Variants in ANO5 observed in about 807,000 individuals in gnomAD.
The protein encoded by ANO5 is anoctamin-5.
Under a neutral mutation model 121.0 loss-of-function variants are expected in ANO5, and 109 were observed. The observed-to-expected ratio is 0.90, with a 90% confidence interval of 0.77 to 1.06. The LOEUF (loss-of-function observed/expected upper bound fraction) is 1.06, where lower values mean the gene tolerates loss of function less well. Among genes scored for constraint, ANO5 ranks in the 50% least tolerant of loss-of-function variants. The pLI is 0.00. For missense variants in ANO5, 1,064 were observed against 1,078.5 expected, an observed-to-expected ratio of 0.99 and a Z score of 0.19; for synonymous variants, 406 against 359.9, an observed-to-expected ratio of 1.13 and a Z score of -1.45.
intron 21 of ANO5, among the ~76,000 whole-genome samples, chr11:22,278,888 T>G (rs1487779554): frequency 6.6e-6 from 1 of 151,760 alleles, no homozygotes; most frequent in African/African-American, 2.4e-5. Context: ...TTTTACTTTT[T>G]TTTTTTTCAA....
intron 12 of ANO5, among the ~76,000 whole-genome samples, chr11:22,254,228 AAT>A (rs1385384492): frequency 9.9e-5 from 15 of 152,146 alleles, no homozygotes; most frequent in Non-Finnish European, 1.5e-5. Context: ...TAATGATAAA[AAT>A]ATAATTAGGA....
rs893326757 is a variant in ANO5 at position 22,211,187 on chromosome 11, T to C, written c.88-77T>C. ...TTTCTGCATAGAGATTACAGAGTTG[T>C]TACTGAAACTTAAAAGCACCCTTTG... is the stretch of plus-strand genomic sequence containing the variant. On this transcript the variant is annotated intron_variant, in intron 2 of 21. Transcript: ENST00000324559. 3 of 1,438,462 alleles carry C rather than the reference T, an allele frequency of 2.1e-6. No homozygotes were observed. In the African/African-American group the frequency reaches 4.2e-5, roughly 20 times the overall value. The allele number at this position is 1,438,462 out of a possible 1,614,324, so 89.1% of individuals were successfully genotyped here.
At chr11:22,221,025 A>T in intron 4 of ANO5, 72 bp from the exon 5 acceptor site, 1 of 1,090,262 alleles carries the variant, frequency 9.2e-7, no homozygotes, top group Non-Finnish European at 1.4e-6. Context: ...AATTATAAAT[A>T]ATTCCTTTTG....
intron 3 of ANO5, 24 bp downstream of exon 3, chr11:22,211,338 T>C: frequency 6.2e-7 from 1 of 1,608,280 alleles, no homozygotes. Context: ...AGTACTATCC[T>C]TTCTTGCATG....
Position 22,250,373 on chromosome 11 carries a change from TA to T in ANO5, c.1013+4del, listed in dbSNP as rs1166375560. 6.2e-7 allele frequency: 1 copy of T among 1,613,370 alleles called. No individual in the cohort carries two copies. The highest frequency in any genetic ancestry group is 8.5e-7 in the Non-Finnish European group (1 of 1,179,684). On this transcript the variant is annotated splice_donor_region_variant and intron_variant, in intron 10 of 21. Coordinates refer to ENST00000324559, the MANE Select transcript of ANO5 (RefSeq NM_213599.3). ...ATCAATGGAACATAACACAAGCAGG[TA>T]AGTGCACCTGAGTTGCCCAGATAGA...
intron 3 of ANO5, among the ~76,000 whole-genome samples, chr11:22,216,920 G>A (rs780604226): frequency 1.1e-4 from 17 of 151,782 alleles, no homozygotes; most frequent in Non-Finnish European, 2.1e-4. Flanking sequence ...TGAATTTAGG[G>A]AAAACATCTG....
chr11:22,282,355 A>G lies in ANO5; in HGVS notation c.*2590A>G, dbSNP rs958052225. On this transcript the variant is annotated 3_prime_UTR_variant, in exon 22 of 22. Transcript: ENST00000324559. ...AAATCTACTTCAAGACATTTATTTTAGAGGAATCCATTAAGAAAGGATTGT... is the reference window on the plus strand; with the variant it reads ...AAATCTACTTCAAGACATTTATTTTGGAGGAATCCATTAAGAAAGGATTGT... The G allele has an allele frequency of 6.6e-6, 1 of 152,188 alleles. No homozygotes were observed. Among genetic ancestry groups the G allele is most frequent in the Non-Finnish European group, 1.5e-5 (1 of 68,012 alleles). 9.4% of individuals were successfully genotyped at this position (152,188 alleles called of 1,614,324 possible). A position where few individuals can be genotyped will look rare whatever the true frequency, so the allele number is the denominator to read the frequency against.
intron 7 of ANO5, among the ~76,000 whole-genome samples, chr11:22,234,350 T>C (rs1457326821): frequency 2.0e-5 from 3 of 152,162 alleles, no homozygotes; most frequent in Admixed American, 2.0e-4. Flanking sequence ...ATTTATAAAC[T>C]GTTGATCTCT....
chr11:22,205,712 C>G (rs1852098210), intron 2 of ANO5, among the ~76,000 whole-genome samples: 3 of 151,940 alleles, frequency 2.0e-5, no homozygotes, highest in Admixed American at 2.0e-4. Flanking sequence ...ATTGACAAAC[C>G]TTTAGCCAGA....
intron 13 of ANO5, among the ~76,000 whole-genome samples, chr11:22,256,936 T>G (rs1392532219): frequency 2.0e-5 from 3 of 152,130 alleles, no homozygotes; most frequent in Admixed American, 2.0e-4. Context: ...TGCACACACA[T>G]TCTGAGGTGT....
chr11:22,226,830 A>C (rs11820643), intron 6 of ANO5, among the ~76,000 whole-genome samples: 22,749 of 152,128 alleles, frequency 0.15, 4,958 homozygotes, highest in African/African-American at 0.48. Context: ...TTGTTACCTA[A>C]AGTTCTTCCT....
rs576205741 is a variant in ANO5 at position 22,250,619 on chromosome 11, C to G, written c.1014-122C>G. On this transcript the variant is annotated intron_variant, in intron 10 of 21. Coordinates refer to ENST00000324559, the MANE Select transcript of ANO5 (RefSeq NM_213599.3). Reference sequence around the variant, plus strand: ...ATGACTTGACCCACTATAGAAATTGCTGCTTGATTGCCCCTTCTGTTATAT... The same window carrying G: ...ATGACTTGACCCACTATAGAAATTGGTGCTTGATTGCCCCTTCTGTTATAT... 111 of 1,101,734 alleles carry G rather than the reference C, an allele frequency of 1.0e-4. No homozygotes were observed. In the East Asian group the frequency reaches 2.4e-3, roughly 24 times the overall value. The allele number at this position is 1,101,734 out of a possible 1,614,324, so 68.2% of individuals were successfully genotyped here.
At chr11:22,253,898 C>T (rs7105483) in intron 12 of ANO5, among the ~76,000 whole-genome samples, 19,039 of 151,900 alleles carry the variant, frequency 0.13, 3,409 homozygotes, top group African/African-American at 0.39. Flanking sequence ...CAGGGCTGGA[C>T]GATTAGGAAA....
chr11:22,203,757 G>C, intron 1 of ANO5, 47 bp from the exon 2 acceptor site: 1 of 1,190,602 alleles, frequency 8.4e-7, no homozygotes, highest in African/African-American at 1.5e-5. Context: ...AATATGTTCT[G>C]ATCAGTGGCT....
At chr11:22,224,044 T>C (rs1240932632) in intron 5 of ANO5, among the ~76,000 whole-genome samples, 2 of 151,972 alleles carry the variant, frequency 1.3e-5, no homozygotes, top group African/African-American at 2.4e-5. Flanking sequence ...TTTTCTATTG[T>C]GTATGTTCTT....
chr11:22,254,875 A>C (rs1283280556), intron 12 of ANO5, among the ~76,000 whole-genome samples: 1 of 152,110 alleles, frequency 6.6e-6, no homozygotes, highest in Admixed American at 6.6e-5. Flanking sequence ...TAAAGACATA[A>C]AAAGAAAGCT....
chr11:22,208,561 A>C (rs1852187497), intron 2 of ANO5, among the ~76,000 whole-genome samples: 1 of 152,048 alleles, frequency 6.6e-6, no homozygotes, highest in African/African-American at 2.4e-5. Flanking sequence ...AAAGGGTAGC[A>C]TGAGGAAGAT....
chr11:22,192,930 A>T, upstream of ANO5: 1 of 957,168 alleles, frequency 1.0e-6, no homozygotes. Flanking sequence ...AGCGGAGAGG[A>T]GGGGGCCAGC....
At chr11:22,199,937 T>A (rs960096909) in intron 1 of ANO5, among the ~76,000 whole-genome samples, 5 of 152,150 alleles carry the variant, frequency 3.3e-5, no homozygotes, top group African/African-American at 1.2e-4. Context: ...TGAAATGAAC[T>A]TTTATTTCAC....
Sources: gnomAD v4.1 joint callset for allele counts (sites outside exome capture counted in the v4.1 genomes callset) on GRCh38, gnomAD v4.1.1 for gene constraint, MANE v1.5 for transcripts, NCBI Gene and HGNC (gene_info 2026-07-23, HGNC 2026-07-21) for gene names.